FAM118B: variants seen among roughly 807,000 people sequenced by gnomAD.
The protein encoded by FAM118B is protein FAM118B.
In FAM118B, 24 loss-of-function variants were observed where a neutral mutation model predicts 38.5. That is an observed-to-expected ratio of 0.62 (90% confidence interval 0.45 to 0.88). FAM118B has a LOEUF of 0.88. FAM118B is among the 40% of genes least tolerant of loss of function. FAM118B has a pLI of 0.00. For synonymous variants in FAM118B, 138 were observed against 156.3 expected, an observed-to-expected ratio of 0.88 and a Z score of 0.87; for missense variants, 334 against 420.0, an observed-to-expected ratio of 0.80 and a Z score of 1.79.
chr11:126,232,449 G>A (rs1950219242), intron 2 of FAM118B, among the ~76,000 whole-genome samples: 1 of 152,144 alleles, frequency 6.6e-6, no homozygotes, highest in Non-Finnish European at 1.5e-5. Context: ...GTAGTTAAGA[G>A]CTTGTAAACT....
chr11:126,232,051 G>GT (rs202028488), intron 2 of FAM118B, among the ~76,000 whole-genome samples: 14 of 151,668 alleles, frequency 9.2e-5, no homozygotes, highest in African/African-American at 2.4e-4. Flanking sequence ...TGGACTTTAA[G>GT]TTTTTTTTTG....
chr11:126,229,853 C>T (rs1950186264), intron 2 of FAM118B, among the ~76,000 whole-genome samples: 1 of 152,170 alleles, frequency 6.6e-6, no homozygotes, highest in African/African-American at 2.4e-5. Flanking sequence ...CTTTCAGAAA[C>T]CTTACCTCTA....
At chr11:126,228,387 A>G (rs1262736386) in intron 1 of FAM118B, among the ~76,000 whole-genome samples, 1 of 151,348 alleles carries the variant, frequency 6.6e-6, no homozygotes, top group Admixed American at 6.6e-5. Flanking sequence ...TTTGGTAGAG[A>G]TGGGGTTTTG....
At chr11:126,237,215 CT>C (rs34631802) in intron 3 of FAM118B, among the ~76,000 whole-genome samples, 2,368 of 43,200 alleles carry the variant, frequency 0.055, 127 homozygotes, top group African/African-American at 0.18. Context: ...CGCGCCTGGC[CT>C]TTTTTTTTTT....
chr11:126,212,181 T>C (rs1949890497), intron 1 of FAM118B, among the ~76,000 whole-genome samples: 1 of 152,198 alleles, frequency 6.6e-6, no homozygotes, highest in Non-Finnish European at 1.5e-5. Context: ...CCAGCCTCTT[T>C]GTTTCGCGTT....
intron 1 of FAM118B, chr11:126,214,503 G>GGTTTTTTTTT (rs1949947676): frequency 7.1e-5 from 2 of 28,258 alleles, no homozygotes; most frequent in Non-Finnish European, 7.5e-5. Context: ...TTTTTTTTTT[G>GGTTTTTTTTT]TTTTTTTTTT....
intron 4 of FAM118B, among the ~76,000 whole-genome samples, chr11:126,249,750 A>AAAAAG (rs1565337624): frequency 1.7e-5 from 2 of 117,988 alleles, no homozygotes; most frequent in African/African-American, 3.2e-5. Flanking sequence ...AAAAAAAAAA[A>AAAAAG]AAAAGAAAAA....
At chr11:126,257,028 G>A (rs1950588886) in intron 7 of FAM118B, among the ~76,000 whole-genome samples, 176 bp downstream of exon 7, 2 of 152,182 alleles carry the variant, frequency 1.3e-5, no homozygotes, top group East Asian at 3.8e-4. Flanking sequence ...ATTATGGGAA[G>A]ACAGACAAAA....
Position 126,254,364 on chromosome 11 carries a change from C to A in FAM118B, c.627C>A (p.Tyr209Ter). Residue 209 changes from tyrosine to a stop codon, truncating the protein, a stop_gained, in exon 6 of 9, where the codon TAC becomes TAA. Transcript: ENST00000533050. LOFTEE classifies it high-confidence loss of function. ...KLSVLHIHGV[Y>*]TNPSGIVLHP... is the part of the protein sequence containing the mutation. Reference sequence around the variant, plus strand: ...GCGTGTTGCATATTCACGGAGTCTACACCAACCCTAGTGGCATTGTCCTTC... The same window carrying A: ...GCGTGTTGCATATTCACGGAGTCTAAACCAACCCTAGTGGCATTGTCCTTC... 2 of 1,614,220 alleles carry A rather than the reference C, an allele frequency of 1.2e-6. No homozygotes were observed. The highest frequency in any genetic ancestry group is 1.7e-6 in the Non-Finnish European group (2 of 1,180,036).
chr11:126,241,234 T>G, intron 4 of FAM118B, 190 bp downstream of exon 4: 1 of 525,972 alleles, frequency 1.9e-6, no homozygotes, highest in Non-Finnish European at 3.3e-6. Flanking sequence ...GACAGTTGTC[T>G]TAACCCCATT....
At chr11:126,242,677 A>G (rs1366870680) in intron 4 of FAM118B, among the ~76,000 whole-genome samples, 2 of 152,240 alleles carry the variant, frequency 1.3e-5, no homozygotes, top group Admixed American at 1.3e-4. Context: ...AATCAAAACC[A>G]CAACAAGGTG....
chr11:126,242,618 A>G (rs1205461266), intron 4 of FAM118B, among the ~76,000 whole-genome samples: 1 of 152,246 alleles, frequency 6.6e-6, no homozygotes, highest in African/African-American at 2.4e-5. Context: ...AACGGCCAAT[A>G]AGTGCATACG....
chr11:126,262,239 A>C lies in FAM118B; in HGVS notation c.*106A>C. ...AACCCAACACAATTCCCAGAAAGTA[A>C]CAATAGCCAGAGGTTGAAGGGCGGG... On this transcript the variant is annotated 3_prime_UTR_variant, in exon 9 of 9. Transcript: ENST00000533050. The C allele has an allele frequency of 1.6e-6, 2 of 1,287,968 alleles. No individual in the cohort carries two copies. Among genetic ancestry groups the C allele is most frequent in the Non-Finnish European group, 2.2e-6 (2 of 889,938 alleles). The allele number at this position is 1,287,968 out of a possible 1,614,324, so 79.8% of individuals were successfully genotyped here.
At chr11:126,234,471 C>A (rs1950245505) in intron 2 of FAM118B, among the ~76,000 whole-genome samples, 1 of 152,222 alleles carries the variant, frequency 6.6e-6, no homozygotes, top group Non-Finnish European at 1.5e-5. Flanking sequence ...ACATGCCCCA[C>A]TGGCTACAAG....
In FAM118B at chr11:126,256,836, C is replaced by G. The variant is rs1950586542; in HGVS notation, c.966C>G (p.Ser322=). 6.2e-7 allele frequency: 1 copy of G among 1,613,170 alleles called. No homozygotes were observed. Among genetic ancestry groups the G allele is most frequent in the Non-Finnish European group, 8.5e-7 (1 of 1,179,530 alleles). Reference sequence around the variant, plus strand: ...TCAAGCGACTGACATGTGAGATCTCCACAAGGGGTACATCAGGTAAGATGC... The same window carrying G: ...TCAAGCGACTGACATGTGAGATCTCGACAAGGGGTACATCAGGTAAGATGC... ...EYFKRLTCEI[S]TRGTSAGMVR... is the part of the protein sequence containing the mutation. Residue 322 remains serine, a synonymous_variant, in exon 7 of 9, where the codon TCC becomes TCG. Transcript: ENST00000533050. This position sits in a 1 kb window ranked among gnomAD's most constrained non-coding sequence, Gnocchi z 6.6.
intron 4 of FAM118B, among the ~76,000 whole-genome samples, chr11:126,249,731 C>CAAAAAAAAAAAAAA (rs71048775): frequency 8.9e-5 from 7 of 78,996 alleles, no homozygotes; most frequent in Non-Finnish European, 1.1e-4. Flanking sequence ...GACTCCGTCT[C>CAAAAAAAAAAAAAA]AAAAAAAAAA....
intron 7 of FAM118B, 166 bp from the exon 8 acceptor site, chr11:126,261,259 C>T (rs1004256214): frequency 3.7e-5 from 22 of 600,984 alleles, no homozygotes; most frequent in African/African-American, 3.3e-4. Flanking sequence ...AAAGACTACT[C>T]CAGTTTATCC....
At chr11:126,240,768 C>T in intron 3 of FAM118B, 24 bp from the exon 4 acceptor site, 2 of 1,582,740 alleles carry the variant, frequency 1.3e-6, no homozygotes, top group South Asian at 1.2e-5. Context: ...TATTCCAATC[C>T]TCTCATTTGT....
intron 4 of FAM118B, among the ~76,000 whole-genome samples, chr11:126,248,772 T>A (rs1950456506): frequency 6.6e-6 from 1 of 152,184 alleles, no homozygotes; most frequent in African/African-American, 2.4e-5. Flanking sequence ...CTTAATCACG[T>A]CTTACTAGGT....
Sources: allele counts gnomAD v4.1 joint callset (sites outside exome capture counted in the v4.1 genomes callset), GRCh38; gene constraint gnomAD v4.1.1; non-coding constraint Gnocchi (gnomAD v3.1); transcripts MANE v1.5; gene names NCBI Gene and HGNC (gene_info 2026-07-23, HGNC 2026-07-21).